NCKAP5: variants seen among roughly 807,000 people sequenced by gnomAD.
NCKAP5 encodes NCK associated protein 5.
NCKAP5 carries 92 observed loss-of-function variants against 167.0 expected under a neutral mutation model. The ratio of observed to expected loss-of-function variants is 0.55; its 90% CI spans 0.47 to 0.66. The LOEUF (loss-of-function observed/expected upper bound fraction) is 0.66. Among genes scored for constraint, NCKAP5 ranks in the 30% least tolerant of loss-of-function variants. NCKAP5 has a pLI of 0.00. For missense variants in NCKAP5, 2,378 were observed against 2,315.0 expected (o/e 1.03, Z -0.56); for synonymous variants, 891 against 877.4 (o/e 1.02, Z -0.27).
At position 133,297,166 on chromosome 2, in the gene NCKAP5, A is replaced by AGTGTGTGTGTGT. The variant is rs60321858; in HGVS notation, c.143+5859_143+5870dup. Among the ~76,000 whole-genome samples, 255 of 142,170 alleles carry AGTGTGTGTGTGT rather than the reference A, an allele frequency of 1.8e-3. 1 individual carries two copies. The highest frequency in any genetic ancestry group is 5.5e-3 in the African/African-American group (212 of 38,542). The allele number at this position is 142,170 out of a possible 152,430, so 93.3% of individuals were successfully genotyped here. ...CCTGAACTAGTATACAGGTTGTCAC[A>AGTGTGTGTGTGT]GTGTGTGTGTGTGTGTGTGTGTGTG... On this transcript the variant is annotated intron_variant, in intron 4 of 19. Transcript: ENST00000409261.
intron 8 of NCKAP5, among the ~76,000 whole-genome samples, chr2:132,913,208 C>T (rs1447659198): frequency 6.6e-6 from 1 of 152,038 alleles, no homozygotes; most frequent in Non-Finnish European, 1.5e-5. Context: ...CTACATAACA[C>T]AGTCAGTCCA....
intron 8 of NCKAP5, among the ~76,000 whole-genome samples, chr2:132,895,363 A>T (rs1424607109): frequency 6.6e-6 from 1 of 152,002 alleles, no homozygotes; most frequent in Non-Finnish European, 1.5e-5. Context: ...AAAAAAAAAA[A>T]AAAAATCAAA....
intron 11 of NCKAP5, among the ~76,000 whole-genome samples, chr2:132,799,415 T>C (rs1421565268): frequency 1.3e-5 from 2 of 152,096 alleles, no homozygotes; most frequent in African/African-American, 4.8e-5. Context: ...TGAAGTTAAA[T>C]AAAATTCCTA....
At chr2:133,396,270 T>C (rs1001129991) in intron 3 of NCKAP5, among the ~76,000 whole-genome samples, 1 of 152,092 alleles carries the variant, frequency 6.6e-6, no homozygotes, top group Non-Finnish European at 1.5e-5. Flanking sequence ...TAAATCTCAA[T>C]GAACAAAGTG....
At chr2:133,409,069 T>A (rs1200703087) in intron 3 of NCKAP5, among the ~76,000 whole-genome samples, 3 of 152,228 alleles carry the variant, frequency 2.0e-5, no homozygotes, top group Admixed American at 1.3e-4. Context: ...AAAAGCACAT[T>A]TGCCATAGAG....
In NCKAP5 at chr2:132,782,199, T is replaced by C. The variant is rs759468263; in HGVS notation, c.4612A>G (p.Lys1538Glu). Residue 1538 changes from lysine (K) to glutamate (E), a missense_variant, in exon 14 of 20, where the codon AAA becomes GAA. Lys to Glu is a moderately conservative substitution (Grantham distance 56). Around this residue, in one of 3 missense-constraint regions of NCKAP5, gnomAD observed 1,325 missense variants for 1,274.5 expected, o/e 1.04. Coordinates refer to ENST00000409261, the MANE Select transcript of NCKAP5 (RefSeq NM_207363.3). Reference sequence around the variant, plus strand: ...TGTCTGTTTCCAAACCCCAAGACTTTTGCATCTTTCTTTTCTACTTTGGTT... The same window carrying C: ...TGTCTGTTTCCAAACCCCAAGACTTCTGCATCTTTCTTTTCTACTTTGGTT... The part of the protein sequence containing the change: ...SKTKVEKKDA[K>E]VLGFGNRQLK... 15 of 1,613,794 alleles carry C rather than the reference T, an allele frequency of 9.3e-6. No individual in the cohort carries two copies. The highest frequency in any genetic ancestry group is 1.1e-5 in the Non-Finnish European group (13 of 1,179,868).
chr2:133,616,184 C>T, the NCKAP5 span, among the ~76,000 whole-genome samples: 1 of 150,086 alleles, frequency 6.7e-6, no homozygotes, highest in Admixed American at 6.6e-5. Flanking sequence ...CACTAAATGC[C>T]CACAAGAGAA....
chr2:132,839,891 AAAGT>A (rs1277118998), intron 11 of NCKAP5, among the ~76,000 whole-genome samples: 3 of 152,212 alleles, frequency 2.0e-5, no homozygotes, highest in Non-Finnish European at 2.9e-5. Flanking sequence ...TTCTTACAAT[AAAGT>A]AAGCTAAAGA....
In NCKAP5 at chr2:132,783,135, C is replaced by T; in HGVS notation, c.3676G>A (p.Glu1226Lys). Residue 1226 changes from glutamate (E) to lysine (K), a missense_variant, in exon 14 of 20, where the codon GAA becomes AAA. Physicochemically the swap from Glu to Lys is moderately conservative, Grantham distance 56. Around this residue, in one of 3 missense-constraint regions of NCKAP5, gnomAD observed 1,325 missense variants for 1,274.5 expected, o/e 1.04. Transcript: ENST00000409261. Reference protein sequence around the residue: ...QGSLADGLPLETALQEPLESS... With the variant: ...QGSLADGLPLKTALQEPLESS... ...TCCAATGGCTCTTGTAGTGCTGTTT[C>T]CAGGGGAAGCCCATCAGCTAAACTG... 1 of 1,613,578 alleles carries T rather than the reference C, an allele frequency of 6.2e-7. No individual in the cohort carries two copies. Among genetic ancestry groups the T allele is most frequent in the Non-Finnish European group, 8.5e-7 (1 of 1,179,730 alleles).
intron 3 of NCKAP5, among the ~76,000 whole-genome samples, chr2:133,424,875 A>C (rs868217602): frequency 4.6e-5 from 7 of 152,324 alleles, no homozygotes; most frequent in Non-Finnish European, 5.9e-5. Context: ...CCATAAAAAC[A>C]CTTGATACAG....
At chr2:133,592,003 A>G in the NCKAP5 span, among the ~76,000 whole-genome samples, 1 of 152,178 alleles carries the variant, frequency 6.6e-6, no homozygotes, top group Non-Finnish European at 1.5e-5. Flanking sequence ...GAAAAGGTCA[A>G]TCACTTACAC....
chr2:133,592,015 C>T, the NCKAP5 span, among the ~76,000 whole-genome samples: 6 of 151,844 alleles, frequency 4.0e-5, no homozygotes, highest in African/African-American at 9.7e-5. Context: ...CACTTACACA[C>T]AAATGCACGT....
intron 5 of NCKAP5, among the ~76,000 whole-genome samples, chr2:133,147,781 T>C (rs566832860): frequency 2.0e-5 from 3 of 152,126 alleles, no homozygotes; most frequent in Non-Finnish European, 4.4e-5. Flanking sequence ...TCTACATACA[T>C]ATTTGATGAG....
chr2:132,934,388 C>T (rs1346544517), intron 8 of NCKAP5, among the ~76,000 whole-genome samples: 1 of 152,156 alleles, frequency 6.6e-6, no homozygotes, highest in Non-Finnish European at 1.5e-5. Context: ...GCCTGGCCAG[C>T]AGGGTGAAAC....
At chr2:132,887,150 T>C (rs928512491) in intron 8 of NCKAP5, among the ~76,000 whole-genome samples, 6 of 152,162 alleles carry the variant, frequency 3.9e-5, no homozygotes, top group African/African-American at 1.4e-4. Context: ...TCCAGAGTCT[T>C]TGAGATTGCA....
intron 6 of NCKAP5, among the ~76,000 whole-genome samples, chr2:133,060,874 A>C (rs1043599159): frequency 1.3e-5 from 2 of 152,122 alleles, no homozygotes; most frequent in East Asian, 3.9e-4. Context: ...GGGCTTCATC[A>C]TTCAGGCTGC....
chr2:133,418,371 G>C (rs1445394873), intron 3 of NCKAP5, among the ~76,000 whole-genome samples: 2 of 152,156 alleles, frequency 1.3e-5, no homozygotes, highest in African/African-American at 4.8e-5. Flanking sequence ...TACCTCATAG[G>C]ATGGCTTGGA....
rs537431558 is a variant in NCKAP5, at chr2:133,545,657, G to T, written c.-62+13393C>A. On this transcript the variant is annotated intron_variant, in intron 2 of 19. Transcript: ENST00000409261. ...CTACCTTGTTATAATGCTTTCATTG[G>T]CACTCACTAACTATGTATCTACCTG... 9.8e-4 allele frequency among the ~76,000 whole-genome samples: 149 copies of T among 152,104 alleles called. 1 individual carries two copies. The highest frequency in any genetic ancestry group is 3.1e-3 in the African/African-American group (128 of 41,510).
rs567048360 is a variant in NCKAP5 at position 133,465,254 on chromosome 2, C to T, written c.69+52204G>A. On this transcript the variant is annotated intron_variant, in intron 3 of 19. Coordinates refer to ENST00000409261, the MANE Select transcript of NCKAP5 (RefSeq NM_207363.3). ...ATTCCCACCTATGAGTGAGAATATG[C>T]GGTGTTTGGTTTTCTGTTCTTGAGA... is the stretch of plus-strand genomic sequence containing the variant. Among the ~76,000 whole-genome samples the T allele has an allele frequency of 4.1e-4, 61 of 148,584 alleles. 1 individual carries two copies. The highest frequency in any genetic ancestry group is 1.3e-3 in the African/African-American group (51 of 40,364).
Sources: gnomAD v4.1 joint callset for allele counts (sites outside exome capture counted in the v4.1 genomes callset) on GRCh38, gnomAD v4.1.1 for gene constraint, gnomAD v4.1.1 regional missense constraint, MANE v1.5 for transcripts, NCBI Gene and HGNC (gene_info 2026-07-23, HGNC 2026-07-21) for gene names.